The following DNAH9 variants were observed in gnomAD, a reference collection of about 807,000 sequenced individuals.
The protein encoded by DNAH9 is DNAH9 variant protein.
DNAH9 carries 345 observed loss-of-function variants against 471.6 expected under a neutral mutation model. The observed-to-expected ratio is 0.73, with a 90% CI of 0.67 to 0.80. The LOEUF (loss-of-function observed/expected upper bound fraction) is 0.80. Ranked by LOEUF, DNAH9 falls within the 30% of genes least tolerant of loss-of-function variation. The probability of loss-of-function intolerance (pLI) is 0.00; values close to 1 mark genes in which losing one functional copy is unlikely to be tolerated. For missense variants in DNAH9, 5,407 were observed against 5,609.2 expected, an observed-to-expected ratio of 0.96 and a Z score of 1.15; for synonymous variants, 2,093 against 2,123.6, an observed-to-expected ratio of 0.99 and a Z score of 0.40.
chr17:11,775,944 T>C (rs528908130), intron 38 of DNAH9, among the ~76,000 whole-genome samples: 44 of 152,274 alleles, frequency 2.9e-4, no homozygotes, highest in African/African-American at 8.7e-4. Flanking sequence ...CCTGCATTTC[T>C]CCTCTCTTTC....
intron 35 of DNAH9, among the ~76,000 whole-genome samples, chr17:11,759,940 C>T (rs1462961432): frequency 6.6e-6 from 1 of 152,120 alleles, no homozygotes; most frequent in Non-Finnish European, 1.5e-5. Flanking sequence ...GCCGCCTCGG[C>T]CTCCCAAAGT....
chr17:11,955,655 A>G (rs907264087), intron 67 of DNAH9, among the ~76,000 whole-genome samples: 6 of 152,244 alleles, frequency 3.9e-5, no homozygotes, highest in African/African-American at 7.2e-5. Context: ...ACACATAGCC[A>G]GATCATAAGG....
intron 13 of DNAH9, among the ~76,000 whole-genome samples, chr17:11,651,802 T>TC (rs576801467): frequency 5.8e-4 from 88 of 152,256 alleles, no homozygotes; most frequent in Middle Eastern, 6.8e-3. Flanking sequence ...GTCTCTACCC[T>TC]CAAAGAGCTC....
Position 11,822,905 on chromosome 17 carries a change from AACTCCCAAGTCCTTTCTGGAGTTCATCAG to A in DNAH9, c.9122_9150del (p.Pro3041LeufsTer28), listed in dbSNP as rs774532773. On this transcript the variant is annotated frameshift_variant, in exon 48 of 69. Coordinates refer to ENST00000262442, the MANE Select transcript of DNAH9 (RefSeq NM_001372.4). LOFTEE classifies it high-confidence loss of function. ...GCAATGAACAGCGCTACAACTATAC[AACTCCCAAGTCCTTTCTGGAGTTCATCAG>A]ACTCTACCAGAGCTTGTTGCACAGG... 6.2e-7 allele frequency: 1 copy of A among 1,614,208 alleles called. No individual in the cohort carries two copies. The highest frequency in any genetic ancestry group is 1.1e-5 in the South Asian group (1 of 91,088).
At chr17:11,869,655 A>G (rs1414156920) in intron 51 of DNAH9, among the ~76,000 whole-genome samples, 2 of 152,200 alleles carry the variant, frequency 1.3e-5, no homozygotes, top group Non-Finnish European at 2.9e-5. Flanking sequence ...GAAACAGAAA[A>G]GAATGAGACC....
At chr17:11,684,579 G>A (rs539464355) in intron 19 of DNAH9, among the ~76,000 whole-genome samples, 5 of 152,224 alleles carry the variant, frequency 3.3e-5, no homozygotes, top group East Asian at 3.9e-4. Context: ...CTTAAGAAAC[G>A]TCACCATGAC....
intron 48 of DNAH9, among the ~76,000 whole-genome samples, chr17:11,824,256 T>C (rs1394317350): frequency 1.3e-5 from 2 of 152,232 alleles, no homozygotes; most frequent in Non-Finnish European, 2.9e-5. Context: ...CCTGTAGTTA[T>C]CTGAGCCTTT....
At chr17:11,727,396 C>T (rs112063836) in intron 27 of DNAH9, among the ~76,000 whole-genome samples, 347 of 152,270 alleles carry the variant, frequency 2.3e-3, no homozygotes, top group African/African-American at 7.5e-3. Flanking sequence ...CCAGCTCCCT[C>T]ACCACTCTGG....
In DNAH9 at chr17:11,689,602, C is replaced by G; in HGVS notation, c.3780C>G (p.Ala1260=). 6.2e-7 allele frequency: 1 copy of G among 1,613,922 alleles called. No homozygotes were observed. Among genetic ancestry groups the G allele is most frequent in the Non-Finnish European group, 8.5e-7 (1 of 1,179,918 alleles). Residue 1260 remains alanine, a synonymous_variant, in exon 20 of 69, where the codon GCC becomes GCG. Transcript: ENST00000262442. ...DSIHPHQMLD[A]RHIEIQQMES... ...TCCACCCTCATCAAATGCTGGATGC[C>G]AGGCACATCGAGATCCAGCAGATGG...
intron 42 of DNAH9, among the ~76,000 whole-genome samples, chr17:11,794,455 C>T (rs1374642591): frequency 6.6e-6 from 1 of 152,170 alleles, no homozygotes; most frequent in African/African-American, 2.4e-5. Context: ...TGTCCACTAC[C>T]CAGGTCTACA....
In DNAH9 at chr17:11,598,537, G is replaced by A; in HGVS notation, c.39G>A (p.Glu13=). 3.6e-6 allele frequency: 5 copies of A among 1,406,996 alleles called. No homozygotes were observed. In the South Asian group the frequency reaches 6.1e-5, roughly 17 times the overall value. The allele number at this position is 1,406,996 out of a possible 1,614,324, so 87.2% of individuals were successfully genotyped here. Residue 13 remains glutamate (E), a synonymous_variant, in exon 1 of 69, where the codon GAG becomes GAA. Coordinates refer to ENST00000262442, the MANE Select transcript of DNAH9 (RefSeq NM_001372.4). ...LAEERAALAA[E]NADGEPGADR... ...AGGAGCGGGCCGCGCTCGCGGCGGA[G>A]AACGCGGATGGGGAACCCGGCGCCG...
chr17:11,851,044 G>A (rs1364443376), intron 49 of DNAH9, among the ~76,000 whole-genome samples: 3 of 152,130 alleles, frequency 2.0e-5, no homozygotes, highest in African/African-American at 7.2e-5. Flanking sequence ...AAGAAGGGGA[G>A]GTTGGTGGGT....
chr17:11,901,316 G>T (rs1176569947), intron 59 of DNAH9, among the ~76,000 whole-genome samples: 5 of 152,322 alleles, frequency 3.3e-5, no homozygotes, highest in Admixed American at 3.3e-4. Context: ...AACTCTGCAA[G>T]TATCTCTAAG....
chr17:11,843,859 G>GTATATATA (rs1490566898), intron 49 of DNAH9, among the ~76,000 whole-genome samples: 1,514 of 46,604 alleles, frequency 0.032, 44 homozygotes, highest in East Asian at 0.043. Flanking sequence ...GTGTGTGTGT[G>GTATATATA]TGTGTATATA....
chr17:11,850,990 G>T (rs751890566), intron 49 of DNAH9, among the ~76,000 whole-genome samples: 5 of 152,288 alleles, frequency 3.3e-5, no homozygotes, highest in East Asian at 1.9e-4. Context: ...ATCATTTCAG[G>T]TTCTCTGAAG....
chr17:11,598,576 ACTCC>A lies in DNAH9; in HGVS notation c.79_82del (p.Leu27TrpfsTer7), dbSNP rs1284259187. ...AACCCGGCGCCGACCGACGACTGCGACTCCTGGGGACCTACGTGGCCATGAGCCT... is the reference window on the plus strand; with the variant it reads ...AACCCGGCGCCGACCGACGACTGCGATGGGGACCTACGTGGCCATGAGCCT... On this transcript the variant is annotated frameshift_variant, in exon 1 of 69. Coordinates refer to ENST00000262442, the MANE Select transcript of DNAH9 (RefSeq NM_001372.4). LOFTEE classifies it high-confidence loss of function. The A allele has an allele frequency of 7.2e-7, 1 of 1,388,216 alleles. No homozygotes were observed. Among genetic ancestry groups the A allele is most frequent in the South Asian group, 1.6e-5 (1 of 62,520 alleles). The allele number at this position is 1,388,216 out of a possible 1,614,324, so 86.0% of individuals were successfully genotyped here. A position where few individuals can be genotyped will look rare whatever the true frequency, so the allele number is the denominator to read the frequency against.
intron 17 of DNAH9, among the ~76,000 whole-genome samples, chr17:11,675,875 G>C (rs2074040987): frequency 6.6e-6 from 1 of 151,706 alleles, no homozygotes; most frequent in Non-Finnish European, 1.5e-5. Flanking sequence ...GATTGAATTT[G>C]GCCTTCAATT....
intron 67 of DNAH9, among the ~76,000 whole-genome samples, chr17:11,943,722 T>G (rs981124266): frequency 3.3e-5 from 5 of 152,078 alleles, no homozygotes; most frequent in African/African-American, 1.2e-4. Context: ...TTTTTTTGTT[T>G]AATCTCTTAA....
rs1266897731 is a variant in DNAH9 at position 11,768,989 on chromosome 17, C to T, written c.7345-133C>T. On this transcript the variant is annotated intron_variant, in intron 37 of 68. Transcript: ENST00000262442. ...CCCACTGTGAACATCAGGGAAGATA[C>T]TCCTGACCGGTGCTTATTTGGGGAG... The T allele has an allele frequency of 1.5e-5, 14 of 904,770 alleles. No individual in the cohort carries two copies. The South Asian group carries it at 2.0e-4, about 13-fold the overall frequency. The allele number at this position is 904,770 out of a possible 1,614,324, so 56.0% of individuals were successfully genotyped here. A position where few individuals can be genotyped will look rare whatever the true frequency, so the allele number is the denominator to read the frequency against.
Sources: gnomAD v4.1 joint callset for allele counts (sites outside exome capture counted in the v4.1 genomes callset) on GRCh38, gnomAD v4.1.1 for gene constraint, MANE v1.5 for transcripts, NCBI Gene and HGNC (gene_info 2026-07-23, HGNC 2026-07-21) for gene names.